Variants in PPP3R1 observed in about 807,000 individuals in gnomAD.
PPP3R1 encodes the protein protein phosphatase 3 regulatory subunit B, alpha, also known as calcineurin subunit B type 1.
A neutral mutation model predicts 22.6 loss-of-function variants in PPP3R1; 5 were observed. The observed-to-expected ratio is 0.22, with a 90% CI of 0.12 to 0.46. The LOEUF is 0.46. Among genes scored for constraint, PPP3R1 ranks in the 20% least tolerant of loss-of-function variants. PPP3R1 has a pLI of 0.99. For synonymous variants in PPP3R1, 56 were observed against 65.2 expected, an observed-to-expected ratio of 0.86 and a Z score of 0.68; for missense variants, 61 against 203.2, an observed-to-expected ratio of 0.30 and a Z score of 4.25.
At chr2:68,220,850 C>A (rs1669675855) in intron 1 of PPP3R1, among the ~76,000 whole-genome samples, 1 of 152,054 alleles carries the variant, frequency 6.6e-6, no homozygotes, top group Non-Finnish European at 1.5e-5. Context: ...GTGCCAGTTA[C>A]ACAGAAACAG....
At chr2:68,219,057 GACC>G (rs1237582554) in intron 1 of PPP3R1, among the ~76,000 whole-genome samples, 4 of 152,096 alleles carry the variant, frequency 2.6e-5, no homozygotes, top group Admixed American at 1.3e-4. Flanking sequence ...GTCCCAAACT[GACC>G]ACATCACATC....
In PPP3R1 at chr2:68,249,299, GTT is replaced by G. The variant is rs566925733; in HGVS notation, c.3+2824_3+2825del. On this transcript the variant is annotated intron_variant, in intron 1 of 5. Coordinates refer to ENST00000234310, the MANE Select transcript of PPP3R1 (RefSeq NM_000945.4). ...TTTAATTCCGCTGGTCATAAGACAG[GTT>G]TTTTTTTTTCTAAAAAGTGGCCTTT... Among the ~76,000 whole-genome samples, 430 of 148,488 alleles carry G rather than the reference GTT, an allele frequency of 2.9e-3. 2 individuals are homozygous for G. Among genetic ancestry groups the G allele is most frequent in the African/African-American group, 6.7e-3 (275 of 40,856 alleles).
chr2:68,222,449 G>C (rs896678062), intron 1 of PPP3R1, among the ~76,000 whole-genome samples: 3 of 152,208 alleles, frequency 2.0e-5, no homozygotes, highest in Non-Finnish European at 4.4e-5. Flanking sequence ...ATTAGCATCT[G>C]AACTGGTGAA....
chr2:68,198,987 G>A (rs1343876320), intron 2 of PPP3R1, among the ~76,000 whole-genome samples: 1 of 151,946 alleles, frequency 6.6e-6, no homozygotes, highest in East Asian at 1.9e-4. Flanking sequence ...TTTTTAAGAT[G>A]GAGTTTTGCT....
In PPP3R1 at chr2:68,198,062, C is replaced by CAAAAAAAAAAAAAAAAAAAAAA. The variant is rs199824687; in HGVS notation, c.44-9394_44-9373dup. 9.5e-5 allele frequency among the ~76,000 whole-genome samples: 4 copies of CAAAAAAAAAAAAAAAAAAAAAA among 42,002 alleles called. 1 individual carries two copies. Among genetic ancestry groups the CAAAAAAAAAAAAAAAAAAAAAA allele is most frequent in the African/African-American group, 3.3e-4 (3 of 9,098 alleles). The allele number at this position is 42,002 out of a possible 152,430, so 27.6% of individuals were successfully genotyped here. On this transcript the variant is annotated intron_variant, in intron 2 of 5. Transcript: ENST00000234310. ...GCTCCCTTTACAACGGCACCTTTGG[C>CAAAAAAAAAAAAAAAAAAAAAA]AAAAAAAAAAAAAAAAAAAAAAAAA...
chr2:68,221,288 C>T (rs1669684965), intron 1 of PPP3R1, among the ~76,000 whole-genome samples: 5 of 151,488 alleles, frequency 3.3e-5, no homozygotes. Context: ...AGAGATTGCA[C>T]CACTGCACTC....
chr2:68,209,730 C>A (rs965238998), intron 2 of PPP3R1, among the ~76,000 whole-genome samples: 19 of 152,174 alleles, frequency 1.2e-4, no homozygotes, highest in Admixed American at 3.9e-4. Context: ...TGCACTCCAG[C>A]CTGGGCAACA....
intron 5 of PPP3R1, among the ~76,000 whole-genome samples, chr2:68,185,544 C>T (rs934571314): frequency 6.8e-6 from 1 of 148,060 alleles, no homozygotes; most frequent in African/African-American, 2.5e-5. Flanking sequence ...CTTCCAATAC[C>T]ATTGAAGCCA....
intron 2 of PPP3R1, among the ~76,000 whole-genome samples, chr2:68,215,390 C>T (rs1669560640): frequency 6.6e-6 from 1 of 152,122 alleles, no homozygotes; most frequent in African/African-American, 2.4e-5. Context: ...GATACTCAAC[C>T]TGTATTCCCT....
chr2:68,187,136 G>T, intron 4 of PPP3R1, 119 bp downstream of exon 4: 1 of 798,414 alleles, frequency 1.3e-6, no homozygotes. Flanking sequence ...TAAAATTTCA[G>T]TTATGTCTAA....
intron 2 of PPP3R1, among the ~76,000 whole-genome samples, chr2:68,200,072 CAATTT>C (rs1674943743): frequency 6.6e-6 from 1 of 152,076 alleles, no homozygotes; most frequent in African/African-American, 2.4e-5. Context: ...AATATGAATT[CAATTT>C]TATTAACTAA....
In PPP3R1 at chr2:68,180,918, ATGGAGAAGAAAGCAAAAG is replaced by A; in HGVS notation, c.*27_*44del. On this transcript the variant is annotated 3_prime_UTR_variant, in exon 6 of 6. Coordinates refer to ENST00000234310, the MANE Select transcript of PPP3R1 (RefSeq NM_000945.4). ...GGACGTCTTGAGCAGATCTTCAGAG[ATGGAGAAGAAAGCAAAAG>A]TGTTGGGTGGTACTCTCTGATAAGA... The A allele has an allele frequency of 6.4e-7, 1 of 1,550,468 alleles. No homozygotes were observed. The highest frequency in any genetic ancestry group is 8.9e-7 in the Non-Finnish European group (1 of 1,123,248).
intron 1 of PPP3R1, among the ~76,000 whole-genome samples, chr2:68,236,835 A>G (rs1572976001): frequency 6.6e-6 from 1 of 152,248 alleles, no homozygotes; most frequent in Non-Finnish European, 1.5e-5. Flanking sequence ...ATTGAGATAC[A>G]ATGAGACCTA....
Position 68,190,769 on chromosome 2 carries a change from C to T in PPP3R1, c.44-2079G>A, listed in dbSNP as rs1455864296. ...TTTGTTTTTATGCTCCCCCTCACCCCCACAACTATTAATAAAGGTAGGCAT... is the reference window on the plus strand; with the variant it reads ...TTTGTTTTTATGCTCCCCCTCACCCTCACAACTATTAATAAAGGTAGGCAT... On this transcript the variant is annotated intron_variant, in intron 2 of 5. Coordinates refer to ENST00000234310, the MANE Select transcript of PPP3R1 (RefSeq NM_000945.4). 2.6e-5 allele frequency among the ~76,000 whole-genome samples: 4 copies of T among 152,100 alleles called. No individual in the cohort carries two copies. The South Asian group carries it at 8.3e-4, about 32-fold the overall frequency.
chr2:68,249,192 C>G (rs988886441), intron 1 of PPP3R1, among the ~76,000 whole-genome samples: 1 of 152,182 alleles, frequency 6.6e-6, no homozygotes, highest in African/African-American at 2.4e-5. Context: ...AGCTTCTTTA[C>G]TTTATACCTT....
chr2:68,248,325 A>G (rs1238482030), intron 1 of PPP3R1, among the ~76,000 whole-genome samples: 2 of 152,296 alleles, frequency 1.3e-5, no homozygotes, highest in East Asian at 3.9e-4. Context: ...ACAGCATCCC[A>G]TGTTTAGTCT....
Position 68,184,314 on chromosome 2 carries a change from G to A in PPP3R1, c.465+2154C>T, listed in dbSNP as rs981665948. 1.6e-4 allele frequency among the ~76,000 whole-genome samples: 24 copies of A among 152,156 alleles called. 1 individual carries two copies. The highest frequency in any genetic ancestry group is 3.5e-4 in the Non-Finnish European group (24 of 68,032). On this transcript the variant is annotated intron_variant, in intron 5 of 5. Coordinates refer to ENST00000234310, the MANE Select transcript of PPP3R1 (RefSeq NM_000945.4). ...CCATTATAACCCAGCTTGTTTCTCA[G>A]ATTTCCAAGCTGATAAAGCTTAGAA... is the stretch of plus-strand genomic sequence containing the variant.
intron 2 of PPP3R1, among the ~76,000 whole-genome samples, chr2:68,190,477 A>T (rs1211509864): frequency 6.6e-6 from 1 of 152,032 alleles, no homozygotes; most frequent in Non-Finnish European, 1.5e-5. Flanking sequence ...GAGGCAGGAG[A>T]AGCGCCTGAA....
intron 1 of PPP3R1, among the ~76,000 whole-genome samples, chr2:68,227,903 T>C (rs907635965): frequency 1.3e-5 from 2 of 152,202 alleles, no homozygotes; most frequent in African/African-American, 2.4e-5. Flanking sequence ...TAGATAGTCA[T>C]ACCATCTGCA....
Sources: gnomAD v4.1 joint callset for allele counts (sites outside exome capture counted in the v4.1 genomes callset) on GRCh38, gnomAD v4.1.1 for gene constraint, MANE v1.5 for transcripts, NCBI Gene and HGNC (gene_info 2026-07-23, HGNC 2026-07-21) for gene names.